DDX10: variants seen among roughly 807,000 people sequenced by gnomAD.
DDX10 encodes the protein probable ATP-dependent RNA helicase DDX10.
In DDX10, 74 loss-of-function variants were observed where a neutral mutation model predicts 104.3. That is an observed-to-expected ratio of 0.71 (90% confidence interval 0.59 to 0.86). The LOEUF (loss-of-function observed/expected upper bound fraction) is 0.86, where lower values mean the gene tolerates loss of function less well. Ranked by LOEUF, DDX10 falls within the 40% of genes least tolerant of loss-of-function variation. The pLI, the probability that DDX10 is intolerant of heterozygous loss-of-function variation, is 0.00. For missense variants in DDX10, 952 were observed against 1,040.0 expected (o/e 0.92, Z 1.16); for synonymous variants, 351 against 353.4 (o/e 0.99, Z 0.08).
At chr11:108,798,613 C>T (rs1861977971) in intron 13 of DDX10, among the ~76,000 whole-genome samples, 1 of 152,152 alleles carries the variant, frequency 6.6e-6, no homozygotes, top group Admixed American at 6.5e-5. Flanking sequence ...TAGCATGTAT[C>T]AGAATTTCTT....
At position 108,872,591 on chromosome 11, in the gene DDX10, A is replaced by G. The variant is rs531100842; in HGVS notation, c.2304+20382A>G. Among the ~76,000 whole-genome samples, 323 of 152,306 alleles carry G rather than the reference A, an allele frequency of 2.1e-3. 2 individuals are homozygous for G. Among genetic ancestry groups the G allele is most frequent in the African/African-American group, 7.4e-3 (306 of 41,584 alleles). On this transcript the variant is annotated intron_variant, in intron 16 of 17. Coordinates refer to ENST00000322536, the MANE Select transcript of DDX10 (RefSeq NM_004398.4). ...AAACAAACTTGTTTTAACAGCAAAA[A>G]TAGGAGTCCATTTTGGTTCAGTGTG...
At chr11:108,730,229 G>A (rs1273949282) in intron 13 of DDX10, 4 of 152,156 alleles carry the variant, frequency 2.6e-5, no homozygotes, top group African/African-American at 7.2e-5. Context: ...TAAACATTTC[G>A]AAAAGATTAG....
chr11:108,714,031 C>T (rs548662412), intron 10 of DDX10, among the ~76,000 whole-genome samples: 1 of 152,310 alleles, frequency 6.6e-6, no homozygotes, highest in Non-Finnish European at 1.5e-5. Flanking sequence ...TAACAAGGCC[C>T]ACCCTCAGGA....
chr11:108,733,884 T>C (rs900827380), intron 13 of DDX10, among the ~76,000 whole-genome samples: 2 of 152,116 alleles, frequency 1.3e-5, no homozygotes, highest in African/African-American at 4.8e-5. Flanking sequence ...ACCCTTGCAG[T>C]TGGGTTTTGT....
chr11:108,930,010 AT>A (rs1421020077), intron 17 of DDX10, among the ~76,000 whole-genome samples: 1 of 152,212 alleles, frequency 6.6e-6, no homozygotes, highest in African/African-American at 2.4e-5. Context: ...ATACATTATT[AT>A]TAACTAATGT....
chr11:108,735,872 A>T (rs1307060503), intron 13 of DDX10, among the ~76,000 whole-genome samples: 1 of 152,172 alleles, frequency 6.6e-6, no homozygotes, highest in Non-Finnish European at 1.5e-5. Flanking sequence ...GAGCAGTGGC[A>T]CTTCAGTAAA....
At chr11:108,818,498 G>A (rs1484284882) in intron 13 of DDX10, among the ~76,000 whole-genome samples, 1 of 152,174 alleles carries the variant, frequency 6.6e-6, no homozygotes, top group Non-Finnish European at 1.5e-5. Flanking sequence ...GAATAGTAGA[G>A]TATTAATTGC....
chr11:108,716,014 A>C, intron 11 of DDX10, 48 bp downstream of exon 11: 1 of 1,025,146 alleles, frequency 9.8e-7, no homozygotes, highest in Non-Finnish European at 1.5e-6. Context: ...AAAAACAGTA[A>C]AGTTTATCAT....
chr11:108,751,689 T>C (rs537492236), intron 13 of DDX10, among the ~76,000 whole-genome samples: 1 of 152,312 alleles, frequency 6.6e-6, no homozygotes, highest in African/African-American at 2.4e-5. Context: ...GGGAAGTTGA[T>C]TTACAGCATA....
At chr11:108,822,357 A>G in intron 13 of DDX10, 3 of 371,298 alleles carry the variant, frequency 8.1e-6, no homozygotes, top group Non-Finnish European at 5.3e-6. Flanking sequence ...CGTTTTTGAG[A>G]TTAGCTATCA....
At chr11:108,670,358 G>A (rs976197306) in intron 1 of DDX10, among the ~76,000 whole-genome samples, 5 of 152,114 alleles carry the variant, frequency 3.3e-5, no homozygotes, top group African/African-American at 4.8e-5. Context: ...AGAGAAGGAT[G>A]GAAGGAGCAG....
intron 13 of DDX10, among the ~76,000 whole-genome samples, chr11:108,763,386 A>G (rs1447565957): frequency 6.6e-6 from 1 of 152,200 alleles, no homozygotes; most frequent in African/African-American, 2.4e-5. Flanking sequence ...TAAACATTAA[A>G]AAAACCTATC....
chr11:108,745,928 A>G (rs2094331333), intron 13 of DDX10, among the ~76,000 whole-genome samples: 1 of 152,120 alleles, frequency 6.6e-6, no homozygotes, highest in Non-Finnish European at 1.5e-5. Flanking sequence ...AATTTCTATC[A>G]TACAATTTAG....
At chr11:108,838,888 C>T (rs958724331) in intron 14 of DDX10, among the ~76,000 whole-genome samples, 1 of 152,212 alleles carries the variant, frequency 6.6e-6, no homozygotes, top group Non-Finnish European at 1.5e-5. Context: ...AATGCTAATA[C>T]ATCTACTTGC....
chr11:108,857,525 T>G (rs996417969), intron 16 of DDX10, among the ~76,000 whole-genome samples: 4 of 152,226 alleles, frequency 2.6e-5, no homozygotes, highest in Non-Finnish European at 1.5e-5. Flanking sequence ...TCTCTCTCTT[T>G]GGCTCTGGCT....
chr11:108,754,409 G>A (rs958655398), intron 13 of DDX10, among the ~76,000 whole-genome samples: 10 of 151,990 alleles, frequency 6.6e-5, no homozygotes, highest in Admixed American at 1.3e-4. Flanking sequence ...TGCCATAATC[G>A]AGTTTTCAGG....
chr11:108,918,160 A>G (rs542039625), intron 17 of DDX10, 142 bp downstream of exon 17: 16 of 801,808 alleles, frequency 2.0e-5, no homozygotes, highest in Non-Finnish European at 3.2e-5. Context: ...ATTCCTGGAA[A>G]TCCTGCTGCT....
chr11:108,673,897 G>T (rs2094220404), intron 2 of DDX10, among the ~76,000 whole-genome samples: 1 of 152,188 alleles, frequency 6.6e-6, no homozygotes, highest in African/African-American at 2.4e-5. Context: ...TCTGGAAGTT[G>T]GAAGTCTGGG....
chr11:108,730,832 T>A (rs2134484408), intron 13 of DDX10, among the ~76,000 whole-genome samples: 1 of 144,002 alleles, frequency 6.9e-6, no homozygotes, highest in East Asian at 2.1e-4. Flanking sequence ...ATCTTTAAAG[T>A]ACACACGTAC....
Sources: gnomAD v4.1 joint callset for allele counts (sites outside exome capture counted in the v4.1 genomes callset) on GRCh38, gnomAD v4.1.1 for gene constraint, MANE v1.5 for transcripts, NCBI Gene and HGNC (gene_info 2026-07-23, HGNC 2026-07-21) for gene names.